The following NOL4 variants were observed in gnomAD, a reference collection of about 807,000 sequenced individuals.
The protein encoded by NOL4 is nucleolar protein 4.
NOL4 carries 17 observed loss-of-function variants against 75.9 expected under a neutral mutation model. The ratio of observed to expected loss-of-function variants is 0.22; its 90% CI spans 0.15 to 0.34. The LOEUF (loss-of-function observed/expected upper bound fraction) is 0.34. NOL4 is among the 10% of genes least tolerant of loss of function. The pLI, the probability that NOL4 is intolerant of heterozygous loss-of-function variation, is 1.00. For missense variants in NOL4, 614 were observed against 793.5 expected, an observed-to-expected ratio of 0.77 and a Z score of 2.72; for synonymous variants, 292 against 289.9, an observed-to-expected ratio of 1.01 and a Z score of -0.07.
intron 1 of NOL4, among the ~76,000 whole-genome samples, chr18:34,165,261 T>TA (rs908419743): frequency 4.6e-5 from 7 of 151,596 alleles, no homozygotes; most frequent in Non-Finnish European, 1.0e-4. Context: ...TAAAATAAAA[T>TA]AAAGACTGTG....
chr18:33,954,197 C>T (rs2069469395), intron 8 of NOL4, among the ~76,000 whole-genome samples: 1 of 152,126 alleles, frequency 6.6e-6, no homozygotes, highest in Admixed American at 6.6e-5. Flanking sequence ...ATGTAAATGA[C>T]ATGTAAATAG....
intron 8 of NOL4, among the ~76,000 whole-genome samples, chr18:33,953,526 G>A (rs555558997): frequency 1.5e-4 from 22 of 151,264 alleles, no homozygotes; most frequent in Admixed American, 5.3e-4. Flanking sequence ...AATAAAGGAG[G>A]AATAAGCAGA....
At chr18:33,963,686 C>T (rs1389331056) in intron 6 of NOL4, among the ~76,000 whole-genome samples, 1 of 152,158 alleles carries the variant, frequency 6.6e-6, no homozygotes, top group African/African-American at 2.4e-5. Flanking sequence ...TTTGCCTTAG[C>T]TATATACTTT....
chr18:34,078,448 A>C (rs964131783), intron 5 of NOL4, among the ~76,000 whole-genome samples: 14 of 152,222 alleles, frequency 9.2e-5, no homozygotes, highest in Non-Finnish European at 2.1e-4. Flanking sequence ...CATGGACATA[A>C]AAATTACCTC....
intron 1 of NOL4, among the ~76,000 whole-genome samples, chr18:34,209,841 G>GTA (rs1448105801): frequency 2.6e-5 from 4 of 152,150 alleles, no homozygotes; most frequent in Non-Finnish European, 5.9e-5. Flanking sequence ...ATAATGGCAA[G>GTA]TATTTAAGGG....
intron 6 of NOL4, among the ~76,000 whole-genome samples, chr18:33,977,193 A>G (rs924055264): frequency 3.3e-5 from 5 of 152,162 alleles, no homozygotes; most frequent in African/African-American, 1.2e-4. Flanking sequence ...ATACTATTAC[A>G]TTCACTTTAG....
At chr18:34,168,764 A>G (rs1458230692) in intron 1 of NOL4, among the ~76,000 whole-genome samples, 2 of 151,858 alleles carry the variant, frequency 1.3e-5, no homozygotes, top group African/African-American at 4.8e-5. Context: ...TTGCATTTTC[A>G]AATTTAAACG....
At chr18:33,967,980 G>C (rs1399177839) in intron 6 of NOL4, among the ~76,000 whole-genome samples, 3 of 152,094 alleles carry the variant, frequency 2.0e-5, no homozygotes, top group Non-Finnish European at 2.9e-5. Context: ...CAGCTACTTG[G>C]GGGGCTGAGG....
chr18:34,056,571 C>T (rs940458685), intron 5 of NOL4, among the ~76,000 whole-genome samples: 1 of 152,126 alleles, frequency 6.6e-6, no homozygotes, highest in Non-Finnish European at 1.5e-5. Flanking sequence ...GATATAGAAA[C>T]CAATACTTCA....
chr18:34,024,192 AAAATAT>A (rs1424845453), intron 5 of NOL4, among the ~76,000 whole-genome samples: 2 of 76,180 alleles, frequency 2.6e-5, no homozygotes, highest in African/African-American at 9.8e-5. Flanking sequence ...AAAAAAAAAA[AAAATAT>A]ATATATATAT....
chr18:34,141,165 T>C (rs2081138309), intron 1 of NOL4, among the ~76,000 whole-genome samples: 1 of 152,094 alleles, frequency 6.6e-6, no homozygotes, highest in Non-Finnish European at 1.5e-5. Context: ...TACAAACCAC[T>C]GCTTAACGAA....
chr18:33,991,698 A>C (rs1044436981), intron 6 of NOL4, among the ~76,000 whole-genome samples: 2 of 152,014 alleles, frequency 1.3e-5, no homozygotes, highest in Non-Finnish European at 2.9e-5. Context: ...TACCAATTTA[A>C]ATTTAAATCA....
intron 6 of NOL4, among the ~76,000 whole-genome samples, chr18:33,991,446 C>A (rs968565660): frequency 6.6e-6 from 1 of 151,986 alleles, no homozygotes; most frequent in African/African-American, 2.4e-5. Flanking sequence ...TGTTGACAGC[C>A]ATTAAATTAT....
intron 5 of NOL4, among the ~76,000 whole-genome samples, chr18:34,065,882 T>C (rs558469436): frequency 6.6e-6 from 1 of 152,078 alleles, no homozygotes; most frequent in South Asian, 2.1e-4. Context: ...GGACTTCGGC[T>C]GAATATTAGA....
intron 1 of NOL4, among the ~76,000 whole-genome samples, chr18:34,146,524 T>A (rs1434328909): frequency 6.6e-6 from 1 of 152,104 alleles, no homozygotes; most frequent in Non-Finnish European, 1.5e-5. Flanking sequence ...TTGTCAAAGA[T>A]CAGATGGTTG....
chr18:33,875,827 CA>C (rs1339652749), intron 10 of NOL4, among the ~76,000 whole-genome samples: 1 of 151,910 alleles, frequency 6.6e-6, no homozygotes, highest in Non-Finnish European at 1.5e-5. Flanking sequence ...TAACAGTGAA[CA>C]AGATGAAGTT....
intron 1 of NOL4, chr18:34,222,273 A>C: frequency 2.3e-6 from 3 of 1,326,260 alleles, no homozygotes; most frequent in East Asian, 3.2e-5. Context: ...TAGCGCCTAA[A>C]CCCATCTTTC....
At chr18:34,187,666 G>A (rs2034593707) in intron 1 of NOL4, among the ~76,000 whole-genome samples, 1 of 152,090 alleles carries the variant, frequency 6.6e-6, no homozygotes, top group Non-Finnish European at 1.5e-5. Flanking sequence ...GATTACAGGC[G>A]TGAGCCACCG....
chr18:34,021,814 T>C (rs938368614), intron 5 of NOL4, among the ~76,000 whole-genome samples: 1 of 151,986 alleles, frequency 6.6e-6, no homozygotes, highest in African/African-American at 2.4e-5. Flanking sequence ...GCCAGATCTG[T>C]AGTAAAAAAT....
Sources: gnomAD v4.1 joint callset for allele counts (sites outside exome capture counted in the v4.1 genomes callset) on GRCh38, gnomAD v4.1.1 for gene constraint, MANE v1.5 for transcripts, NCBI Gene and HGNC (gene_info 2026-07-23, HGNC 2026-07-21) for gene names.